RHOC: variants seen among roughly 807,000 people sequenced by gnomAD.
RHOC encodes ras homolog family member C, also known as rho-related GTP-binding protein RhoC.
Under a neutral mutation model 19.5 loss-of-function variants are expected in RHOC, and 13 were observed. The ratio of observed to expected loss-of-function variants is 0.67; its 90% CI spans 0.43 to 1.06. The LOEUF (loss-of-function observed/expected upper bound fraction) is 1.06. RHOC is among the 50% of genes least tolerant of loss of function. The pLI, the probability that RHOC is intolerant of heterozygous loss-of-function variation, is 0.00. For missense variants in RHOC, 173 were observed against 256.9 expected (o/e 0.67, Z 2.23); for synonymous variants, 106 against 97.3 (o/e 1.09, Z -0.52).
chr1:112,706,433 A>C (rs891690984), intron 1 of RHOC, among the ~76,000 whole-genome samples: 7 of 26,060 alleles, frequency 2.7e-4, no homozygotes, highest in African/African-American at 6.7e-4. Context: ...CTCTCTCTAC[A>C]CACACACACA....
intron 3 of RHOC, 106 bp from the exon 4 acceptor site, chr1:112,703,225 G>A: frequency 8.0e-7 from 1 of 1,255,902 alleles, no homozygotes; most frequent in Non-Finnish European, 1.1e-6. Context: ...CTTTATTTGA[G>A]CACCTGCTAT....
chr1:112,706,515 C>CACACACAAACACACACAA lies in RHOC; in HGVS notation c.-77+562_-77+563insTTGTGTGTGTTTGTGTGT, dbSNP rs1557780951. 7.6e-4 allele frequency among the ~76,000 whole-genome samples: 71 copies of CACACACAAACACACACAA among 93,438 alleles called. 2 individuals are homozygous for CACACACAAACACACACAA. Among genetic ancestry groups the CACACACAAACACACACAA allele is most frequent in the Non-Finnish European group, 1.5e-4 (7 of 45,278 alleles). The allele number at this position is 93,438 out of a possible 152,430, so 61.3% of individuals were successfully genotyped here. A position where few individuals can be genotyped will look rare whatever the true frequency, so the allele number is the denominator to read the frequency against. ...ACACACACACACACACACACACACACACACACACACACACACACACACAGA... is the reference window on the plus strand; with the variant it reads ...ACACACACACACACACACACACACACACACACAAACACACACAAACACACACACACACACACACACAGA... On this transcript the variant is annotated intron_variant, in intron 1 of 5. Transcript: ENST00000339083.
rs1389297724 is a variant in RHOC at position 112,701,668 on chromosome 1, T to C, written c.454A>G (p.Ser152Gly). The C allele has an allele frequency of 6.2e-7, 1 of 1,614,072 alleles. No homozygotes were observed. Among genetic ancestry groups the C allele is most frequent in the Non-Finnish European group, 8.5e-7 (1 of 1,180,006 alleles). Residue 152 changes from serine (S) to glycine (G), a missense_variant, in exon 6 of 6, where the codon AGT (serine) becomes GGT (glycine). This residue lies in a region of RHOC where 81 missense variants were observed against 85.8 expected (regional missense o/e 0.94). Transcript: ENST00000339083. ...EEGRDMANRISAFGYLECSAK... is the reference protein window; with the variant it reads ...EEGRDMANRIGAFGYLECSAK... ...GAGCACTCAAGGTAGCCAAAGGCACTGATCCGGTTCGCCATGTCCCGGCCT... is the reference window on the plus strand; with the variant it reads ...GAGCACTCAAGGTAGCCAAAGGCACCGATCCGGTTCGCCATGTCCCGGCCT...
intron 1 of RHOC, chr1:112,705,922 G>T: frequency 6.0e-6 from 2 of 333,882 alleles, no homozygotes; most frequent in Non-Finnish European, 1.2e-5. Context: ...TGAGGCATGC[G>T]TTAAGGGACC....
At chr1:112,702,776 C>T (rs2101460905) in intron 4 of RHOC, 83 bp from the exon 5 acceptor site, 2 of 1,566,288 alleles carry the variant, frequency 1.3e-6, no homozygotes, top group East Asian at 4.5e-5. Context: ...CTTCCCAGAG[C>T]AGTCTTAGAA....
intron 2 of RHOC, chr1:112,704,870 A>C: frequency 5.2e-6 from 3 of 581,348 alleles, no homozygotes; most frequent in South Asian, 2.0e-5. Context: ...ACAGTGACTG[A>C]GAAGAATCCA....
rs528523716 is a variant in RHOC at position 112,706,515 on chromosome 1, C to A, written c.-77+563G>T. 2.5e-3 allele frequency among the ~76,000 whole-genome samples: 236 copies of A among 93,496 alleles called. 2 individuals carry two copies. Among genetic ancestry groups the A allele is most frequent in the African/African-American group, 7.2e-3 (196 of 27,048 alleles). The allele number at this position is 93,496 out of a possible 152,430, so 61.3% of individuals were successfully genotyped here. Reference sequence around the variant, plus strand: ...ACACACACACACACACACACACACACACACACACACACACACACACACAGA... The same window carrying A: ...ACACACACACACACACACACACACAAACACACACACACACACACACACAGA... On this transcript the variant is annotated intron_variant, in intron 1 of 5. Coordinates refer to ENST00000339083, the MANE Select transcript of RHOC (RefSeq NM_175744.5).
chr1:112,706,451 A>ACACACACACACACACACAC lies in RHOC; in HGVS notation c.-77+626_-77+627insGTGTGTGTGTGTGTGTGTG, dbSNP rs1557780474. ...TCTCTACACACACACACACACACACACACACACACACACCACACACACACA... is the reference window on the plus strand; with the variant it reads ...TCTCTACACACACACACACACACACACACACACACACACACACACCACACACACACACCACACACACACA... On this transcript the variant is annotated intron_variant, in intron 1 of 5. Transcript: ENST00000339083. Among the ~76,000 whole-genome samples, 2 of 23,576 alleles carry ACACACACACACACACACAC rather than the reference A, an allele frequency of 8.5e-5. 1 individual carries two copies. The highest frequency in any genetic ancestry group is 2.3e-4 in the African/African-American group (2 of 8,688). The allele number at this position is 23,576 out of a possible 152,430, so 15.5% of individuals were successfully genotyped here. A position where few individuals can be genotyped will look rare whatever the true frequency, so the allele number is the denominator to read the frequency against.
intron 1 of RHOC, chr1:112,705,849 C>A (rs144900302): frequency 1.4e-5 from 5 of 359,734 alleles, no homozygotes; most frequent in Non-Finnish European, 2.8e-5. Flanking sequence ...CACTGCTGTC[C>A]CCCCAGCAGG....
Position 112,702,675 on chromosome 1 carries a change from C to T in RHOC, c.296G>A (p.Trp99Ter). ...PDSLENIPEKWTPEVKHFCPN... is the reference protein window; with the variant it reads ...PDSLENIPEK ...GCAGAAGTGCTTCACCTCTGGGGTC[C>T]ACTTCTCAGGAATGTTTTCTGTGTA... The change falls in exon 5 of 6, where the codon TGG becomes TAG. Residue 99 changes from tryptophan to a stop codon, truncating the protein, a stop_gained. Coordinates refer to ENST00000339083, the MANE Select transcript of RHOC (RefSeq NM_175744.5). LOFTEE classifies it high-confidence loss of function. 1.2e-6 allele frequency: 2 copies of T among 1,614,148 alleles called. No individual in the cohort carries two copies. The highest frequency in any genetic ancestry group is 1.1e-5 in the South Asian group (1 of 91,078).
Position 112,701,332 on chromosome 1 carries a change from G to T in RHOC, c.*208C>A. On this transcript the variant is annotated 3_prime_UTR_variant, in exon 6 of 6. Coordinates refer to ENST00000339083, the MANE Select transcript of RHOC (RefSeq NM_175744.5). ...GGGCAAGATCCCCAGGGGCCCTGAG[G>T]AAGGGCAGGGCATAGGCGTGGCTCC... is the stretch of plus-strand genomic sequence containing the variant. The T allele has an allele frequency of 7.1e-7, 1 of 1,410,468 alleles. No individual in the cohort carries two copies. The highest frequency in any genetic ancestry group is 1.4e-5 in the South Asian group (1 of 70,416). 87.4% of individuals were successfully genotyped at this position (1,410,468 alleles called of 1,614,324 possible).
Position 112,705,442 on chromosome 1 carries a change from T to C in RHOC, c.-76-274A>G, listed in dbSNP as rs866371583. The C allele has an allele frequency of 4.7e-5, 28 of 591,866 alleles. No homozygotes were observed. In the African/African-American group the frequency reaches 4.8e-4, roughly 10 times the overall value. 36.7% of individuals were successfully genotyped at this position (591,866 alleles called of 1,614,324 possible). ...CCAGGCCTCTTCCCTTCAACATAGA[T>C]CCTGAGTGGCCCTTCCCTTGCCTCC... On this transcript the variant is annotated intron_variant, in intron 1 of 5. Transcript: ENST00000339083.
rs746578969 is a variant in RHOC, at chr1:112,701,446, T to A, written c.*94A>T. ...CAGGAGGGAACTGAAAATGGGAGCC[T>A]TCAGCATGGAGCCCTCAGGAGGCTG... On this transcript the variant is annotated 3_prime_UTR_variant, in exon 6 of 6. Coordinates refer to ENST00000339083, the MANE Select transcript of RHOC (RefSeq NM_175744.5). 6.2e-7 allele frequency: 1 copy of A among 1,612,320 alleles called. No individual in the cohort carries two copies. Among genetic ancestry groups the A allele is most frequent in the South Asian group, 1.1e-5 (1 of 90,934 alleles).
At position 112,701,595 on chromosome 1, in the gene RHOC, C is replaced by G; in HGVS notation, c.527G>C (p.Arg176Pro). The G allele has an allele frequency of 6.2e-7, 1 of 1,614,054 alleles. No individual in the cohort carries two copies. Among genetic ancestry groups the G allele is most frequent in the Non-Finnish European group, 8.5e-7 (1 of 1,179,974 alleles). The change falls in exon 6 of 6, where the codon CGG becomes CCG. Residue 176 changes from arginine to proline, a missense_variant. Physicochemically the swap from Arg to Pro is moderately radical, Grantham distance 103 (BLOSUM62 -2). Transcript: ENST00000339083. ...GVREVFEMAT[R>P]AGLQVRKNKR... is the part of the protein sequence containing the mutation. ...GTTCTTGCGGACCTGGAGGCCAGCC[C>G]GAGTGGCCATCTCAAACACCTCCCG...
chr1:112,702,516 G>A, intron 5 of RHOC, 47 bp downstream of exon 5: 2 of 1,605,944 alleles, frequency 1.2e-6, no homozygotes, highest in Non-Finnish European at 1.7e-6. Context: ...CAACCCCTCA[G>A]AGGGTGCATT....
In RHOC at chr1:112,701,533, G is replaced by A. The variant is rs116729270; in HGVS notation, c.*7C>T. On this transcript the variant is annotated 3_prime_UTR_variant, in exon 6 of 6. Coordinates refer to ENST00000339083, the MANE Select transcript of RHOC (RefSeq NM_175744.5). ...GGAGGGGGCATGTAGGAAAGGCCTT[G>A]GGGATCTCAGAGAATGGGACAGCCC... 9.3e-6 allele frequency: 15 copies of A among 1,614,096 alleles called. No individual in the cohort carries two copies. The South Asian group carries it at 1.4e-4, about 15-fold the overall frequency.
chr1:112,702,322 G>C (rs1323750625), intron 5 of RHOC, among the ~76,000 whole-genome samples: 1 of 152,162 alleles, frequency 6.6e-6, no homozygotes. Context: ...CATCTTAATA[G>C]TCCCAATTCT....
intron 5 of RHOC, among the ~76,000 whole-genome samples, chr1:112,702,336 C>A (rs553821033): frequency 1.3e-5 from 2 of 152,284 alleles, no homozygotes; most frequent in South Asian, 2.1e-4. Context: ...CAATTCTGAA[C>A]GGAATGGACA....
intron 4 of RHOC, 80 bp from the exon 5 acceptor site, chr1:112,702,773 G>A: frequency 1.3e-6 from 2 of 1,575,768 alleles, no homozygotes; most frequent in Non-Finnish European, 1.7e-6. Context: ...CATCTTCCCA[G>A]AGCAGTCTTA....
Sources: gnomAD v4.1 joint callset for allele counts (sites outside exome capture counted in the v4.1 genomes callset) on GRCh38, gnomAD v4.1.1 for gene constraint, gnomAD v4.1.1 regional missense constraint, MANE v1.5 for transcripts, NCBI Gene and HGNC (gene_info 2026-07-23, HGNC 2026-07-21) for gene names.